The following RBM18 variants were observed in gnomAD, a reference collection of about 807,000 sequenced individuals.
RBM18 encodes RNA binding motif protein 18.
A neutral mutation model predicts 26.4 loss-of-function variants in RBM18; 18 were observed. That is an observed-to-expected ratio of 0.68 (90% CI 0.47 to 1.01). The LOEUF (loss-of-function observed/expected upper bound fraction) is 1.01, where lower values mean the gene tolerates loss of function less well. Ranked by LOEUF, RBM18 falls within the 50% of genes least tolerant of loss-of-function variation. The pLI is 0.00. For synonymous variants in RBM18, 74 were observed against 81.1 expected, an observed-to-expected ratio of 0.91 and a Z score of 0.47; for missense variants, 180 against 219.2, an observed-to-expected ratio of 0.82 and a Z score of 1.13.
intron 2 of RBM18, among the ~76,000 whole-genome samples, chr9:122,252,195 A>G (rs766515892): frequency 6.6e-6 from 1 of 152,230 alleles, no homozygotes; most frequent in Non-Finnish European, 1.5e-5. Context: ...CATCTGTCCA[A>G]CACAAAAATA....
intron 2 of RBM18, 90 bp from the exon 3 acceptor site, chr9:122,252,063 C>T: frequency 2.6e-6 from 4 of 1,543,142 alleles, no homozygotes; most frequent in Non-Finnish European, 3.5e-6. Flanking sequence ...AGATAATTTA[C>T]CCCAGGGATG....
chr9:122,250,692 T>C (rs553504374), intron 3 of RBM18, among the ~76,000 whole-genome samples: 2 of 152,266 alleles, frequency 1.3e-5, no homozygotes, highest in African/African-American at 2.4e-5. Context: ...CATGATAATA[T>C]GATTCCATTT....
intron 5 of RBM18, chr9:122,243,788 A>G: frequency 1.0e-6 from 1 of 985,380 alleles, no homozygotes. Flanking sequence ...ACAGCTGGTC[A>G]CTGATTTTGT....
At chr9:122,249,943 T>C (rs1203883426) in intron 3 of RBM18, among the ~76,000 whole-genome samples, 3 of 151,558 alleles carry the variant, frequency 2.0e-5, no homozygotes, top group African/African-American at 7.3e-5. Context: ...TGCTGGCATG[T>C]GCCTGTAGTC....
chr9:122,241,589 G>A lies in RBM18; in HGVS notation c.*295C>T, dbSNP rs1831422664. 1 of 263,118 alleles carries A rather than the reference G, an allele frequency of 3.8e-6. No homozygotes were observed. The highest frequency in any genetic ancestry group is 7.1e-6 in the Non-Finnish European group (1 of 140,790). 16.3% of individuals were successfully genotyped at this position (263,118 alleles called of 1,614,324 possible). A position where few individuals can be genotyped will look rare whatever the true frequency, so the allele number is the denominator to read the frequency against. On this transcript the variant is annotated 3_prime_UTR_variant, in exon 6 of 6. Transcript: ENST00000417201. The stretch of plus-strand genomic sequence containing the variant: ...ATTTTGTGTATTTGCCTTTTGCTCT[G>A]GCACACTATAGAATGTTTCTGGAGT...
intron 3 of RBM18, among the ~76,000 whole-genome samples, chr9:122,248,542 T>C (rs1215814488): frequency 1.3e-5 from 2 of 152,120 alleles, no homozygotes; most frequent in Non-Finnish European, 2.9e-5. Context: ...GTTAGCAAGG[T>C]ATCTGTGTGA....
intron 1 of RBM18, among the ~76,000 whole-genome samples, chr9:122,263,729 T>C (rs1252390673): frequency 6.6e-6 from 1 of 152,214 alleles, no homozygotes; most frequent in African/African-American, 2.4e-5. Flanking sequence ...GGGACTTGAA[T>C]GATAGGACAT....
chr9:122,259,803 C>T (rs1342738831), intron 2 of RBM18, among the ~76,000 whole-genome samples: 9 of 152,078 alleles, frequency 5.9e-5, no homozygotes, highest in African/African-American at 9.7e-5. Flanking sequence ...AAGCAATTTT[C>T]GCGCCTCAAC....
chr9:122,249,183 T>C (rs759363395), intron 3 of RBM18, among the ~76,000 whole-genome samples: 5 of 152,196 alleles, frequency 3.3e-5, no homozygotes, highest in Non-Finnish European at 7.3e-5. Context: ...AAAATATTAT[T>C]AAATGTCTAC....
chr9:122,250,910 T>TTAC (rs1831592473), intron 3 of RBM18, among the ~76,000 whole-genome samples: 1 of 150,422 alleles, frequency 6.6e-6, no homozygotes, highest in African/African-American at 2.4e-5. Flanking sequence ...CAAATTATTA[T>TTAC]TATTATTATT....
chr9:122,254,400 T>C, intron 2 of RBM18: 1 of 637,842 alleles, frequency 1.6e-6, no homozygotes, highest in Non-Finnish European at 2.0e-6. Flanking sequence ...TTTACTATTT[T>C]GCTTCCTGGA....
intron 1 of RBM18, among the ~76,000 whole-genome samples, chr9:122,263,156 ATCATC>A (rs1831850003): frequency 6.6e-6 from 1 of 152,158 alleles, no homozygotes; most frequent in African/African-American, 2.4e-5. Flanking sequence ...TTACCTCTTA[ATCATC>A]TCAGCACACC....
chr9:122,257,757 G>C (rs1221334761), intron 2 of RBM18, among the ~76,000 whole-genome samples: 2 of 152,172 alleles, frequency 1.3e-5, no homozygotes, highest in Non-Finnish European at 2.9e-5. Context: ...ATTTGAATGG[G>C]AGACGTATTC....
At chr9:122,263,355 T>C (rs1486514540) in intron 1 of RBM18, among the ~76,000 whole-genome samples, 1 of 152,264 alleles carries the variant, frequency 6.6e-6, no homozygotes, top group Non-Finnish European at 1.5e-5. Context: ...CAGCTCTTGT[T>C]CTTACCTCCT....
intron 4 of RBM18, among the ~76,000 whole-genome samples, chr9:122,246,851 A>G (rs1280985770): frequency 6.6e-6 from 1 of 152,136 alleles, no homozygotes; most frequent in Non-Finnish European, 1.5e-5. Context: ...AACTCTTGGG[A>G]ACGCTCCAGT....
chr9:122,243,954 T>C, intron 5 of RBM18: 1 of 734,386 alleles, frequency 1.4e-6, no homozygotes, highest in Non-Finnish European at 1.7e-6. Context: ...GACATGTTCA[T>C]TGTAACATGA....
chr9:122,260,685 C>T (rs1184518066), intron 2 of RBM18, among the ~76,000 whole-genome samples: 1 of 152,194 alleles, frequency 6.6e-6, no homozygotes, highest in Non-Finnish European at 1.5e-5. Flanking sequence ...GGAAGTTCTA[C>T]AGAGCCTAAA....
intron 2 of RBM18, among the ~76,000 whole-genome samples, chr9:122,257,582 AGATT>A (rs1831718847): frequency 1.3e-5 from 2 of 152,236 alleles, no homozygotes; most frequent in Admixed American, 1.3e-4. Flanking sequence ...AGCAGGACTC[AGATT>A]AATAACCAAC....
At chr9:122,245,029 C>T (rs1006944589) in intron 5 of RBM18, among the ~76,000 whole-genome samples, 13 of 152,210 alleles carry the variant, frequency 8.5e-5, no homozygotes, top group African/African-American at 3.1e-4. Context: ...GTAGTAGCTA[C>T]ACCCAGTCTT....
Sources: gnomAD v4.1 joint callset for allele counts (sites outside exome capture counted in the v4.1 genomes callset) on GRCh38, gnomAD v4.1.1 for gene constraint, MANE v1.5 for transcripts, NCBI Gene and HGNC (gene_info 2026-07-23, HGNC 2026-07-21) for gene names.